The following SLC4A10 variants were observed in gnomAD, a reference collection of about 807,000 sequenced individuals.
SLC4A10 encodes the protein solute carrier family 4 member 10.
Under a neutral mutation model 137.7 loss-of-function variants are expected in SLC4A10, and 42 were observed. That is an observed-to-expected ratio of 0.30 (90% confidence interval 0.24 to 0.39). The LOEUF (loss-of-function observed/expected upper bound fraction) is 0.39. Among genes scored for constraint, SLC4A10 ranks in the 10% least tolerant of loss-of-function variants. The pLI, the probability that SLC4A10 is intolerant of heterozygous loss-of-function variation, is 1.00. For synonymous variants in SLC4A10, 474 were observed against 464.1 expected (o/e 1.02, Z -0.27); for missense variants, 925 against 1,355.0 (o/e 0.68, Z 4.98).
intron 1 of SLC4A10, 96 bp downstream of exon 1, chr2:161,624,662 G>T: frequency 1.3e-6 from 2 of 1,516,254 alleles, no homozygotes; most frequent in Non-Finnish European, 8.9e-7. Context: ...GTGTACTTTT[G>T]GGGTGGTGGA....
At chr2:161,652,412 C>T (rs1362224672) in intron 1 of SLC4A10, among the ~76,000 whole-genome samples, 1 of 151,924 alleles carries the variant, frequency 6.6e-6, no homozygotes, top group East Asian at 1.9e-4. Flanking sequence ...ATGTTGAATG[C>T]AAGAGAAAAG....
At position 161,829,090 on chromosome 2, in the gene SLC4A10, C is replaced by A. The variant is rs79485241; in HGVS notation, c.278-10699C>A. Among the ~76,000 whole-genome samples, 1,343 of 151,926 alleles carry A rather than the reference C, an allele frequency of 8.8e-3. 78 individuals carry two copies. In the East Asian group the frequency reaches 0.16, roughly 18 times the overall value. On this transcript the variant is annotated intron_variant, in intron 3 of 26. Coordinates refer to ENST00000446997, the MANE Select transcript of SLC4A10 (RefSeq NM_001178015.2). ...TGTCCTTAATGCTGGTGTGGCCTGA[C>A]TTAATCCCACCTCTTCTTGTGAAAA...
At chr2:161,667,723 C>G (rs554346552) in intron 1 of SLC4A10, among the ~76,000 whole-genome samples, 1 of 151,604 alleles carries the variant, frequency 6.6e-6, no homozygotes, top group Admixed American at 6.6e-5. Flanking sequence ...TCAAGTAATA[C>G]TGCCATCATT....
intron 12 of SLC4A10, chr2:161,901,304 C>A: frequency 3.3e-6 from 1 of 306,942 alleles, no homozygotes; most frequent in Non-Finnish European, 6.1e-6. Flanking sequence ...ATTGACCCTT[C>A]CAAAAGAACC....
Position 161,850,493 on chromosome 2 carries a change from T to C in SLC4A10, c.417-4477T>C, listed in dbSNP as rs1207125065. The stretch of plus-strand genomic sequence containing the variant: ...TCCATTTCTTCTAGCTTTTCTAGTT[T>C]GTGAGCACAGAGGTGTTCATAATAG... On this transcript the variant is annotated intron_variant, in intron 4 of 26. Transcript: ENST00000446997. Among the ~76,000 whole-genome samples, 5 of 152,342 alleles carry C rather than the reference T, an allele frequency of 3.3e-5. No individual in the cohort carries two copies. The South Asian group carries it at 8.3e-4, about 25-fold the overall frequency.
At chr2:161,741,212 G>A (rs1442888372) in intron 1 of SLC4A10, among the ~76,000 whole-genome samples, 3 of 148,236 alleles carry the variant, frequency 2.0e-5, no homozygotes, top group East Asian at 4.0e-4. Context: ...ATAGTGAGCC[G>A]TGATCATGCC....
At chr2:161,670,561 T>C (rs2039576602) in intron 1 of SLC4A10, among the ~76,000 whole-genome samples, 1 of 95,942 alleles carries the variant, frequency 1.0e-5, no homozygotes, top group Non-Finnish European at 2.3e-5. Context: ...ATTTACTCCC[T>C]TAGTAACCTT....
intron 23 of SLC4A10, among the ~76,000 whole-genome samples, chr2:161,966,840 A>G (rs1697693895): frequency 6.6e-6 from 1 of 152,182 alleles, no homozygotes; most frequent in Non-Finnish European, 1.5e-5. Context: ...ACTCTTCAAG[A>G]AAATATGGTA....
intron 26 of SLC4A10, among the ~76,000 whole-genome samples, chr2:161,979,774 T>C (rs1320784309): frequency 6.6e-6 from 1 of 152,232 alleles, no homozygotes; most frequent in African/African-American, 2.4e-5. Context: ...GTCTGAGTCC[T>C]GAGCTGGCAC....
chr2:161,775,474 G>T (rs1479170652), intron 2 of SLC4A10, among the ~76,000 whole-genome samples: 1 of 151,872 alleles, frequency 6.6e-6, no homozygotes, highest in African/African-American at 2.4e-5. Flanking sequence ...ATTTCACATT[G>T]TTTCACTATA....
chr2:161,719,728 G>T (rs1052048669), intron 1 of SLC4A10, among the ~76,000 whole-genome samples: 3 of 151,802 alleles, frequency 2.0e-5, no homozygotes, highest in South Asian at 2.1e-4. Context: ...TCATATCCTT[G>T]GCCCACTTTT....
intron 1 of SLC4A10, among the ~76,000 whole-genome samples, chr2:161,659,044 A>G (rs1455173392): frequency 3.9e-5 from 6 of 152,180 alleles, no homozygotes; most frequent in African/African-American, 1.4e-4. Flanking sequence ...CAGCAATCCC[A>G]CTACTGGGTA....
At chr2:161,975,974 C>T (rs1699328699) in intron 24 of SLC4A10, among the ~76,000 whole-genome samples, 1 of 152,136 alleles carries the variant, frequency 6.6e-6, no homozygotes, top group Admixed American at 6.5e-5. Context: ...CTCTGAGTGA[C>T]TGGGAGCCAC....
chr2:161,954,530 A>T (rs984050864), intron 19 of SLC4A10, among the ~76,000 whole-genome samples: 2 of 152,150 alleles, frequency 1.3e-5, no homozygotes, highest in African/African-American at 4.8e-5. Flanking sequence ...TGACAAAGGG[A>T]TACTTCTCTT....
At chr2:161,713,798 A>G (rs528958566) in intron 1 of SLC4A10, among the ~76,000 whole-genome samples, 1 of 152,012 alleles carries the variant, frequency 6.6e-6, no homozygotes, top group South Asian at 2.1e-4. Flanking sequence ...CATGTTTGCA[A>G]ATACTTTTAA....
In SLC4A10 at chr2:161,976,844, A is replaced by G; in HGVS notation, c.3312A>G (p.Ser1104=). The change falls in exon 25 of 27, where the codon TCA becomes TCG. Residue 1104 remains serine (S), a synonymous_variant. Coordinates refer to ENST00000446997, the MANE Select transcript of SLC4A10 (RefSeq NM_001178015.2). ...WRNLLITADN[S]KDKESSFPSK... The stretch of plus-strand genomic sequence containing the variant: ...ACCTTCTGATTACTGCCGATAACTC[A>G]AAAGATAAGGAGTCAAGCTTTCCTT... 1 of 1,601,054 alleles carries G rather than the reference A, an allele frequency of 6.2e-7. No homozygotes were observed. The highest frequency in any genetic ancestry group is 8.5e-7 in the Non-Finnish European group (1 of 1,173,346).
At chr2:161,958,239 A>G (rs1415809054) in intron 20 of SLC4A10, among the ~76,000 whole-genome samples, 1 of 152,176 alleles carries the variant, frequency 6.6e-6, no homozygotes, top group Non-Finnish European at 1.5e-5. Flanking sequence ...TTAAATAATT[A>G]TAACAACCCT....
intron 3 of SLC4A10, among the ~76,000 whole-genome samples, chr2:161,814,594 G>A (rs537224883): frequency 6.6e-6 from 1 of 152,234 alleles, no homozygotes; most frequent in Non-Finnish European, 1.5e-5. Flanking sequence ...CCCTAAAAAA[G>A]AGCAAAATCA....
intron 11 of SLC4A10, among the ~76,000 whole-genome samples, chr2:161,898,889 A>G (rs1476772847): frequency 1.3e-5 from 2 of 152,138 alleles, no homozygotes; most frequent in Non-Finnish European, 2.9e-5. Flanking sequence ...TTGCAGGTTC[A>G]TCATACTACA....
Sources: gnomAD v4.1 joint callset for allele counts (sites outside exome capture counted in the v4.1 genomes callset) on GRCh38, gnomAD v4.1.1 for gene constraint, MANE v1.5 for transcripts, NCBI Gene and HGNC (gene_info 2026-07-23, HGNC 2026-07-21) for gene names.